MINAR1: variants seen among roughly 807,000 people sequenced by gnomAD.
MINAR1 encodes the protein major intrinsically disordered Notch2-binding receptor 1.
A neutral mutation model predicts 65.1 loss-of-function variants in MINAR1; 40 were observed. The observed-to-expected ratio is 0.61, with a 90% CI of 0.48 to 0.80. The LOEUF (loss-of-function observed/expected upper bound fraction) is 0.80, where lower values mean the gene tolerates loss of function less well. MINAR1 is among the 30% of genes least tolerant of loss of function. The probability of loss-of-function intolerance (pLI) is 0.00; values close to 1 mark genes in which losing one functional copy is unlikely to be tolerated. For missense variants in MINAR1, 1,128 were observed against 1,148.0 expected (o/e 0.98, Z 0.25); for synonymous variants, 482 against 449.1 (o/e 1.07, Z -0.93).
intron 1 of MINAR1, among the ~76,000 whole-genome samples, chr15:79,442,124 T>G (rs149167063): frequency 1.3e-5 from 2 of 151,810 alleles, no homozygotes; most frequent in Admixed American, 1.3e-4. Context: ...ACCTATCAGT[T>G]TTCATCTTAA....
rs767111891 is a variant in MINAR1 at position 79,457,040 on chromosome 15, C to A, written c.893C>A (p.Pro298His). 7 of 1,613,800 alleles carry A rather than the reference C, an allele frequency of 4.3e-6. No individual in the cohort carries two copies. The highest frequency in any genetic ancestry group is 1.6e-4 in the Middle Eastern group (1 of 6,084). ...PQSRKEPHKP[P>H]FFNHSFEMPY... ...AGTCGAAAGGAACCCCACAAGCCAC[C>A]CTTCTTCAACCACAGCTTTGAAATG... Residue 298 changes from proline to histidine, a missense_variant, in exon 2 of 4, where the codon CCC becomes CAC. Physicochemically the swap from Pro to His is moderately conservative, Grantham distance 77 (BLOSUM62 -2). Transcript: ENST00000305428.
chr15:79,463,199 CT>C lies in MINAR1; in HGVS notation c.2432del (p.Leu811ArgfsTer7), dbSNP rs775738213. Reference sequence around the variant, plus strand: ...CAAGGCCCACATGAAGAGCAACCCCCTGTACACAGACATGCGGCTGACCGAG... The same window carrying C: ...CAAGGCCCACATGAAGAGCAACCCCCGTACACAGACATGCGGCTGACCGAG... ...SLKAHMKSNP[L>X]YTDMRLTELA... is the part of the protein sequence containing the mutation. On this transcript the variant is annotated frameshift_variant, in exon 3 of 4. Transcript: ENST00000305428. LOFTEE classifies it high-confidence loss of function. 1.2e-6 allele frequency: 2 copies of C among 1,614,124 alleles called. No homozygotes were observed. Among genetic ancestry groups the C allele is most frequent in the African/African-American group, 2.7e-5 (2 of 74,946 alleles).
chr15:79,457,891 C>T lies in MINAR1; in HGVS notation c.1744C>T (p.Pro582Ser). Residue 582 changes from proline (P) to serine (S), a missense_variant, in exon 2 of 4, where the codon CCT becomes TCT. Pro to Ser is a moderately conservative substitution (Grantham distance 74). Coordinates refer to ENST00000305428, the MANE Select transcript of MINAR1 (RefSeq NM_015206.3). ...CAGCAAGGGAGACAAGGGCAACCGG[C>T]CTGAAAACACCCACCACTCGGAAGA... is the stretch of plus-strand genomic sequence containing the variant. Reference protein sequence around the residue: ...PNSKGDKGNRPENTHHSEEEL... With the variant: ...PNSKGDKGNRSENTHHSEEEL... The T allele has an allele frequency of 6.2e-7, 1 of 1,614,050 alleles. No homozygotes were observed. The highest frequency in any genetic ancestry group is 1.3e-5 in the African/African-American group (1 of 75,010).
chr15:79,444,487 C>T (rs565811301), intron 1 of MINAR1, among the ~76,000 whole-genome samples: 39 of 152,126 alleles, frequency 2.6e-4, no homozygotes, highest in Middle Eastern at 3.4e-3. Context: ...ATTTACTATA[C>T]TGATTTTTTT....
In MINAR1 at chr15:79,470,510, G is replaced by A. The variant is rs1896040480; in HGVS notation, c.*2126G>A. On this transcript the variant is annotated 3_prime_UTR_variant, in exon 4 of 4. Transcript: ENST00000305428. ...CCCAAATCTTCCATTTAACAGGTAG[G>A]ACCATCGAGGCTGGACCAAACCACT... 2 of 148,232 alleles carry A rather than the reference G, an allele frequency of 1.3e-5. No individual in the cohort carries two copies. 9.2% of individuals were successfully genotyped at this position (148,232 alleles called of 1,614,324 possible). A position where few individuals can be genotyped will look rare whatever the true frequency, so the allele number is the denominator to read the frequency against.
At chr15:79,461,875 T>A (rs147474318) in intron 2 of MINAR1, among the ~76,000 whole-genome samples, 33 of 151,718 alleles carry the variant, frequency 2.2e-4, no homozygotes, top group African/African-American at 5.6e-4. Flanking sequence ...ATCCACACAC[T>A]CACACACACT....
the MINAR1 span, chr15:79,413,542 G>A: frequency 1.3e-5 from 2 of 152,236 alleles, no homozygotes; most frequent in Non-Finnish European, 2.9e-5. Flanking sequence ...TTTGAAGAGG[G>A]GAAATTGCCA....
chr15:79,470,741 C>T lies in MINAR1; in HGVS notation c.*2357C>T, dbSNP rs886103942. 2 of 152,224 alleles carry T rather than the reference C, an allele frequency of 1.3e-5. No individual in the cohort carries two copies. The highest frequency in any genetic ancestry group is 2.4e-5 in the African/African-American group (1 of 41,452). 9.4% of individuals were successfully genotyped at this position (152,224 alleles called of 1,614,324 possible). A position where few individuals can be genotyped will look rare whatever the true frequency, so the allele number is the denominator to read the frequency against. ...ACAGTAGCTTTAAAATTCAACTCAA[C>T]ATTGTTGTCACGTAACGGAAACATC... is the stretch of plus-strand genomic sequence containing the variant. On this transcript the variant is annotated 3_prime_UTR_variant, in exon 4 of 4. Transcript: ENST00000305428.
At chr15:79,450,782 A>AT (rs1450309545) in intron 1 of MINAR1, among the ~76,000 whole-genome samples, 1 of 151,474 alleles carries the variant, frequency 6.6e-6, no homozygotes, top group East Asian at 1.9e-4. Flanking sequence ...GAATAGAGTC[A>AT]TTTTTCAAAA....
Position 79,468,653 on chromosome 15 carries a change from A to G in MINAR1, c.*269A>G. The G allele has an allele frequency of 2.3e-6, 1 of 436,870 alleles. No individual in the cohort carries two copies. Among genetic ancestry groups the G allele is most frequent in the Non-Finnish European group, 4.1e-6 (1 of 244,542 alleles). The allele number at this position is 436,870 out of a possible 1,614,324, so 27.1% of individuals were successfully genotyped here. On this transcript the variant is annotated 3_prime_UTR_variant, in exon 4 of 4. Coordinates refer to ENST00000305428, the MANE Select transcript of MINAR1 (RefSeq NM_015206.3). ...AAAGAACATCATGGACTATCAATAA[A>G]TACAAATTGAATATTCCAAGCCAAA... is the stretch of plus-strand genomic sequence containing the variant.
rs1348636461 is a variant in MINAR1 at position 79,469,537 on chromosome 15, ATGTC to A, written c.*1155_*1158del. On this transcript the variant is annotated 3_prime_UTR_variant, in exon 4 of 4. Coordinates refer to ENST00000305428, the MANE Select transcript of MINAR1 (RefSeq NM_015206.3). ...ATTATCTGTTTAACCACTTATCTAT[ATGTC>A]TATCTATCTATCTATATGTCTATCT... is the stretch of plus-strand genomic sequence containing the variant. The A allele has an allele frequency of 6.6e-6, 1 of 151,550 alleles. No individual in the cohort carries two copies. Among genetic ancestry groups the A allele is most frequent in the African/African-American group, 2.4e-5 (1 of 40,866 alleles). 9.4% of individuals were successfully genotyped at this position (151,550 alleles called of 1,614,324 possible).
chr15:79,439,387 T>G lies in MINAR1; in HGVS notation c.-51+6847T>G, dbSNP rs1281261328. ...GTGGGTGGGGTAGGCAGTGTGTGTG[T>G]GGGTGTGTGTGGGTAGTGATGAGAT... is the stretch of plus-strand genomic sequence containing the variant. On this transcript the variant is annotated intron_variant, in intron 1 of 3. Coordinates refer to ENST00000305428, the MANE Select transcript of MINAR1 (RefSeq NM_015206.3). Among the ~76,000 whole-genome samples, 7 of 94,250 alleles carry G rather than the reference T, an allele frequency of 7.4e-5. 1 individual carries two copies. In the South Asian group the frequency reaches 2.0e-3, roughly 27 times the overall value. The allele number at this position is 94,250 out of a possible 152,430, so 61.8% of individuals were successfully genotyped here.
At chr15:79,442,399 A>G (rs541962173) in intron 1 of MINAR1, among the ~76,000 whole-genome samples, 92 of 152,176 alleles carry the variant, frequency 6.0e-4, no homozygotes, top group Middle Eastern at 6.8e-3. Flanking sequence ...CTGTTTATCT[A>G]TATTTGGGTC....
At chr15:79,439,332 G>GC (rs1894790444) in intron 1 of MINAR1, among the ~76,000 whole-genome samples, 1 of 64,842 alleles carries the variant, frequency 1.5e-5, no homozygotes, top group African/African-American at 5.1e-5. Flanking sequence ...ATGTGGGTGG[G>GC]GTAGGCAGTG....
At chr15:79,433,843 C>T (rs1894521250) in intron 1 of MINAR1, among the ~76,000 whole-genome samples, 2 of 152,120 alleles carry the variant, frequency 1.3e-5, no homozygotes. Flanking sequence ...TGAATTGACC[C>T]TCATTGAGAG....
chr15:79,464,472 G>A (rs148836904), intron 3 of MINAR1, among the ~76,000 whole-genome samples: 130 of 152,282 alleles, frequency 8.5e-4, no homozygotes, highest in Non-Finnish European at 1.7e-3. Context: ...GGAAATCGAG[G>A]CCCCAGGAAG....
At chr15:79,437,039 G>A (rs114145738) in intron 1 of MINAR1, among the ~76,000 whole-genome samples, 1,820 of 152,294 alleles carry the variant, frequency 0.012, 37 homozygotes, top group African/African-American at 0.042. Context: ...CTTGAGGAGA[G>A]AAGTTTTATT....
intron 1 of MINAR1, among the ~76,000 whole-genome samples, chr15:79,445,239 T>C (rs1482599261): frequency 6.6e-6 from 1 of 152,126 alleles, no homozygotes; most frequent in Non-Finnish European, 1.5e-5. Flanking sequence ...TGCAAGGGAC[T>C]ATTACATAAA....
intron 1 of MINAR1, among the ~76,000 whole-genome samples, chr15:79,437,553 G>A (rs1031507658): frequency 2.0e-5 from 3 of 150,752 alleles, no homozygotes; most frequent in African/African-American, 7.3e-5. Context: ...TGGGTGGGGT[G>A]GTTAGTGAGT....
Sources: allele counts gnomAD v4.1 joint callset (sites outside exome capture counted in the v4.1 genomes callset), GRCh38; gene constraint gnomAD v4.1.1; transcripts MANE v1.5; gene names NCBI Gene and HGNC (gene_info 2026-07-23, HGNC 2026-07-21).